Variants in JAM3 observed in about 807,000 individuals in gnomAD.
JAM3 encodes junctional adhesion molecule C.
JAM3 carries 31 observed loss-of-function variants against 39.4 expected under a neutral mutation model. That is an observed-to-expected ratio of 0.79 (90% confidence interval 0.59 to 1.06). The LOEUF is 1.06. Ranked by LOEUF, JAM3 falls within the 50% of genes least tolerant of loss-of-function variation. The pLI, the probability that JAM3 is intolerant of heterozygous loss-of-function variation, is 0.00. For missense variants in JAM3, 455 were observed against 391.4 expected (o/e 1.16, Z -1.37); for synonymous variants, 182 against 148.7 (o/e 1.22, Z -1.63).
chr11:134,145,150 C>T (rs917575829), intron 5 of JAM3, 156 bp downstream of exon 5: 27 of 624,300 alleles, frequency 4.3e-5, no homozygotes, highest in East Asian at 2.3e-4. Context: ...AATGACCCTT[C>T]TTCCTTTTAT....
intron 1 of JAM3, among the ~76,000 whole-genome samples, chr11:134,104,703 A>G (rs1305947129): frequency 6.6e-6 from 1 of 152,196 alleles, no homozygotes; most frequent in Non-Finnish European, 1.5e-5. Flanking sequence ...AATACAAACT[A>G]CCATCAGAGA....
At chr11:134,077,915 G>C (rs1342590556) in intron 1 of JAM3, among the ~76,000 whole-genome samples, 1 of 151,678 alleles carries the variant, frequency 6.6e-6, no homozygotes, top group Non-Finnish European at 1.5e-5. Flanking sequence ...GCTTCCCAAA[G>C]TGCTGAGATT....
At chr11:134,073,336 C>T (rs537242897) in intron 1 of JAM3, among the ~76,000 whole-genome samples, 5 of 152,304 alleles carry the variant, frequency 3.3e-5, no homozygotes, top group African/African-American at 1.2e-4. Context: ...TTCAGTGCTG[C>T]TTGTATAAAG....
At chr11:134,096,645 A>G (rs1178189803) in intron 1 of JAM3, among the ~76,000 whole-genome samples, 1 of 152,206 alleles carries the variant, frequency 6.6e-6, no homozygotes, top group African/African-American at 2.4e-5. Flanking sequence ...ATTATCTAAA[A>G]GCTAGTTCTG....
rs1255425749 is a variant in JAM3 at position 134,109,334 on chromosome 11, A to T, written c.77-30517A>T. ...CAACCAGGGATGAAAAAAAGAACTT[A>T]AAAAAAATTAGGAAGAAGTAAAGCT... On this transcript the variant is annotated intron_variant, in intron 1 of 8. Transcript: ENST00000299106. Among the ~76,000 whole-genome samples the T allele has an allele frequency of 3.3e-5, 5 of 152,236 alleles. No homozygotes were observed. The East Asian group carries it at 5.8e-4, about 18-fold the overall frequency.
At chr11:134,081,061 C>T (rs1941657613) in intron 1 of JAM3, among the ~76,000 whole-genome samples, 1 of 152,132 alleles carries the variant, frequency 6.6e-6, no homozygotes, top group African/African-American at 2.4e-5. Flanking sequence ...CAACTTTGAA[C>T]TTGAGAGAGG....
intron 1 of JAM3, among the ~76,000 whole-genome samples, chr11:134,104,937 G>A (rs1424115186): frequency 3.3e-5 from 5 of 152,170 alleles, no homozygotes. Context: ...ACAAGCAGGA[G>A]CTGGTACCAT....
At chr11:134,128,346 A>C (rs1343600435) in intron 1 of JAM3, among the ~76,000 whole-genome samples, 1 of 152,232 alleles carries the variant, frequency 6.6e-6, no homozygotes, top group Non-Finnish European at 1.5e-5. Context: ...ATGTCATTGA[A>C]CAAAATACTT....
At chr11:134,096,077 G>A (rs1591779205) in intron 1 of JAM3, among the ~76,000 whole-genome samples, 1 of 152,072 alleles carries the variant, frequency 6.6e-6, no homozygotes, top group Non-Finnish European at 1.5e-5. Context: ...CCTGGGTTCA[G>A]GTGATTCTCA....
intron 6 of JAM3, 174 bp from the exon 7 acceptor site, chr11:134,148,370 GTCC>G (rs1279049537): frequency 1.3e-5 from 9 of 690,482 alleles, no homozygotes; most frequent in Non-Finnish European, 2.0e-5. Flanking sequence ...GAGTTATGGT[GTCC>G]TATATGTTCT....
intron 1 of JAM3, among the ~76,000 whole-genome samples, chr11:134,107,483 A>AT (rs1362533301): frequency 6.6e-6 from 1 of 152,148 alleles, no homozygotes; most frequent in African/African-American, 2.4e-5. Flanking sequence ...AAGTATAAAA[A>AT]ATATATATAA....
chr11:134,148,303 T>A, intron 6 of JAM3: 1 of 560,142 alleles, frequency 1.8e-6, no homozygotes, highest in Non-Finnish European at 3.2e-6. Context: ...AATACACTTT[T>A]CAGTGCGACT....
In JAM3 at chr11:134,088,573, A is replaced by G. The variant is rs183661138; in HGVS notation, c.76+19414A>G. On this transcript the variant is annotated intron_variant, in intron 1 of 8. Coordinates refer to ENST00000299106, the MANE Select transcript of JAM3 (RefSeq NM_032801.5). ...TACTTAAGTTGTACAACCAATTCTA[A>G]TGACAAGATGCATTTAAATTTGTGT... Among the ~76,000 whole-genome samples the G allele has an allele frequency of 2.6e-5, 4 of 152,308 alleles. No individual in the cohort carries two copies. In the East Asian group the frequency reaches 5.8e-4, roughly 22 times the overall value.
chr11:134,117,147 A>G (rs887260208), intron 1 of JAM3, among the ~76,000 whole-genome samples: 1 of 152,012 alleles, frequency 6.6e-6, no homozygotes, highest in South Asian at 2.1e-4. Flanking sequence ...GGATCATCTG[A>G]GGTCAGGAGT....
At chr11:134,103,817 A>G (rs1221958467) in intron 1 of JAM3, among the ~76,000 whole-genome samples, 2 of 152,228 alleles carry the variant, frequency 1.3e-5, no homozygotes, top group Non-Finnish European at 2.9e-5. Context: ...TAACTATCCT[A>G]AATATATATG....
intron 1 of JAM3, among the ~76,000 whole-genome samples, chr11:134,135,135 T>C (rs1379775875): frequency 6.6e-6 from 1 of 152,184 alleles, no homozygotes; most frequent in African/African-American, 2.4e-5. Context: ...AGCTCTTAAA[T>C]TTAATAGTTT....
chr11:134,081,859 G>T (rs757296336), intron 1 of JAM3, among the ~76,000 whole-genome samples: 2 of 152,234 alleles, frequency 1.3e-5, no homozygotes, highest in Non-Finnish European at 2.9e-5. Flanking sequence ...ACACCAGCCC[G>T]TGAGAGCAGC....
intron 1 of JAM3, among the ~76,000 whole-genome samples, chr11:134,101,569 C>T (rs765673183): frequency 6.6e-6 from 1 of 152,272 alleles, no homozygotes; most frequent in East Asian, 1.9e-4. Flanking sequence ...AATACTATTG[C>T]TCTAATACCA....
intron 1 of JAM3, among the ~76,000 whole-genome samples, chr11:134,108,251 C>T (rs1408188127): frequency 6.6e-6 from 1 of 151,682 alleles, no homozygotes; most frequent in Non-Finnish European, 1.5e-5. Context: ...AATAAGTGGC[C>T]TGAATAGCCT....
Sources: allele counts gnomAD v4.1 joint callset (sites outside exome capture counted in the v4.1 genomes callset), GRCh38; gene constraint gnomAD v4.1.1; transcripts MANE v1.5; gene names NCBI Gene and HGNC (gene_info 2026-07-23, HGNC 2026-07-21).